The following ZNF207 variants were observed in gnomAD, a reference collection of about 807,000 sequenced individuals.
ZNF207 encodes BUB3-interacting and GLEBS motif-containing protein ZNF207.
ZNF207 carries 24 observed loss-of-function variants against 60.2 expected under a neutral mutation model. That is an observed-to-expected ratio of 0.40 (90% confidence interval 0.29 to 0.56). ZNF207 has a LOEUF of 0.56. Among genes scored for constraint, ZNF207 ranks in the 20% least tolerant of loss-of-function variants. ZNF207 has a pLI of 0.49. For synonymous variants in ZNF207, 236 were observed against 194.7 expected, an observed-to-expected ratio of 1.21 and a Z score of -1.77; for missense variants, 452 against 636.6, an observed-to-expected ratio of 0.71 and a Z score of 3.12.
In ZNF207 at chr17:32,381,779, GTTA is replaced by G. The variant is rs761753026; in HGVS notation, c.*12024_*12026del. 4 of 152,178 alleles carry G rather than the reference GTTA, an allele frequency of 2.6e-5. No individual in the cohort carries two copies. The highest frequency in any genetic ancestry group is 6.5e-5 in the Admixed American group (1 of 15,290). The allele number at this position is 152,178 out of a possible 1,614,324, so 9.4% of individuals were successfully genotyped here. A position where few individuals can be genotyped will look rare whatever the true frequency, so the allele number is the denominator to read the frequency against. On this transcript the variant is annotated 3_prime_UTR_variant, in exon 12 of 12. Coordinates refer to ENST00000394670, the MANE Select transcript of ZNF207 (RefSeq NM_001098507.2). Reference sequence around the variant, plus strand: ...AAAGTGGAAAGATTTTTGCTTCTGCGTTATTAAGAGCCTCTTTGTTTGGAGGAG... The same window carrying G: ...AAAGTGGAAAGATTTTTGCTTCTGCGTTAAGAGCCTCTTTGTTTGGAGGAG...
rs1230178997 is a variant in ZNF207, at chr17:32,370,908, A to C, written c.*1149A>C. 1.3e-5 allele frequency: 2 copies of C among 152,206 alleles called. No individual in the cohort carries two copies. The highest frequency in any genetic ancestry group is 4.8e-5 in the African/African-American group (2 of 41,450). 9.4% of individuals were successfully genotyped at this position (152,206 alleles called of 1,614,324 possible). ...TCTCTGTTGGGATGGTTAACAGATG[A>C]ATTGGCAATTTTTATTATGTTCCTG... On this transcript the variant is annotated 3_prime_UTR_variant, in exon 12 of 12. Transcript: ENST00000394670.
At position 32,367,790 on chromosome 17, in the gene ZNF207, G is replaced by A; in HGVS notation, c.940G>A (p.Gly314Arg). 1 of 1,614,108 alleles carries A rather than the reference G, an allele frequency of 6.2e-7. No homozygotes were observed. The highest frequency in any genetic ancestry group is 8.5e-7 in the Non-Finnish European group (1 of 1,180,006). The change falls in exon 10 of 12, where the codon GGA becomes AGA. Residue 314 changes from glycine to arginine, a missense_variant. Physicochemically the swap from Gly to Arg is moderately radical, Grantham distance 125. Transcript: ENST00000394670. Reference protein sequence around the residue: ...STAQAQAAVQGPVGTDFKPLN... With the variant: ...STAQAQAAVQRPVGTDFKPLN... ...TTTACAGGCTCAGGCAGCTGTCCAA[G>A]GACCTGTTGGTACAGATTTCAAACC...
At chr17:32,351,305 A>T (rs1364118943) in intron 1 of ZNF207, 2 of 367,396 alleles carry the variant, frequency 5.4e-6, no homozygotes, top group Non-Finnish European at 8.2e-6. Context: ...TGGATTGTTC[A>T]TTCGAAATTA....
chr17:32,377,423 G>A lies in ZNF207; in HGVS notation c.*7664G>A, dbSNP rs943975281. On this transcript the variant is annotated 3_prime_UTR_variant, in exon 12 of 12. Coordinates refer to ENST00000394670, the MANE Select transcript of ZNF207 (RefSeq NM_001098507.2). Reference sequence around the variant, plus strand: ...AAGTCTGAGTTAGAAAAAATACAGAGCATCTAGTTATTGAGCAAAGCCCCC... The same window carrying A: ...AAGTCTGAGTTAGAAAAAATACAGAACATCTAGTTATTGAGCAAAGCCCCC... The A allele has an allele frequency of 6.6e-6, 1 of 151,868 alleles. No individual in the cohort carries two copies. The highest frequency in any genetic ancestry group is 1.5e-5 in the Non-Finnish European group (1 of 67,822). 9.4% of individuals were successfully genotyped at this position (151,868 alleles called of 1,614,324 possible).
At chr17:32,351,275 C>A (rs1311729030) in intron 1 of ZNF207, 4 of 212,264 alleles carry the variant, frequency 1.9e-5, no homozygotes, top group Non-Finnish European at 3.4e-5. Flanking sequence ...TAAATTCATA[C>A]GGAATTGGAA....
Position 32,368,004 on chromosome 17 carries a change from A to T in ZNF207, c.1154A>T (p.Asp385Val). The change falls in exon 10 of 12, where the codon GAT (aspartate) becomes GTT (valine). Residue 385 changes from aspartate (D) to valine (V), a missense_variant. Physicochemically the swap from Asp to Val is radical, Grantham distance 152. This residue lies in a region of ZNF207 where 390 missense variants were observed against 461.4 expected (regional missense o/e 0.85). Coordinates refer to ENST00000394670, the MANE Select transcript of ZNF207 (RefSeq NM_001098507.2). Reference sequence around the variant, plus strand: ...AGTAAGTTGATCCATCCAGATGAGGATATATCCCTGGTAAGTTGCTTTTAG... The same window carrying T: ...AGTAAGTTGATCCATCCAGATGAGGTTATATCCCTGGTAAGTTGCTTTTAG... ...ATSKLIHPDE[D>V]ISLEERRAQL... 1 of 1,613,986 alleles carries T rather than the reference A, an allele frequency of 6.2e-7. No homozygotes were observed. Among genetic ancestry groups the T allele is most frequent in the Non-Finnish European group, 8.5e-7 (1 of 1,179,860 alleles).
rs1170230583 is a variant in ZNF207 at position 32,375,848 on chromosome 17, A to T, written c.*6089A>T. ...AAGTCCTTTAAAAGGGGATTCAATT[A>T]TAAGGCTATTTGACTATAGGGCAGA... On this transcript the variant is annotated 3_prime_UTR_variant, in exon 12 of 12. Coordinates refer to ENST00000394670, the MANE Select transcript of ZNF207 (RefSeq NM_001098507.2). The T allele has an allele frequency of 6.6e-6, 1 of 152,096 alleles. No individual in the cohort carries two copies. The highest frequency in any genetic ancestry group is 1.5e-5 in the Non-Finnish European group (1 of 67,942). The allele number at this position is 152,096 out of a possible 1,614,324, so 9.4% of individuals were successfully genotyped here.
rs1317589679 is a variant in ZNF207 at position 32,372,584 on chromosome 17, A to G, written c.*2825A>G. ...TTGAAAGTGTTAGGCATTGGCAGAT[A>G]AAACTTAAGCTCATGAGTTCCTGAG... On this transcript the variant is annotated 3_prime_UTR_variant, in exon 12 of 12. Coordinates refer to ENST00000394670, the MANE Select transcript of ZNF207 (RefSeq NM_001098507.2). 1 of 152,244 alleles carries G rather than the reference A, an allele frequency of 6.6e-6. No individual in the cohort carries two copies. 9.4% of individuals were successfully genotyped at this position (152,244 alleles called of 1,614,324 possible).
intron 6 of ZNF207, among the ~76,000 whole-genome samples, chr17:32,362,563 T>C (rs766851999): frequency 3.3e-5 from 5 of 152,254 alleles, no homozygotes; most frequent in Non-Finnish European, 7.3e-5. Flanking sequence ...TCTTTAATAC[T>C]CTGTGGATAT....
chr17:32,367,145 T>C (rs11656445), intron 9 of ZNF207, among the ~76,000 whole-genome samples: 87,438 of 149,168 alleles, frequency 0.59, 26,451 homozygotes, highest in African/African-American at 0.63. Context: ...AAAAGTAACA[T>C]ATTTGTTACT....
chr17:32,354,866 G>T (rs1322839840), intron 2 of ZNF207, among the ~76,000 whole-genome samples: 16 of 152,084 alleles, frequency 1.1e-4, no homozygotes, highest in Admixed American at 1.0e-3. Flanking sequence ...CACCTTCCTT[G>T]GCCTCCCAAA....
chr17:32,367,251 A>G (rs1406617636), intron 9 of ZNF207, among the ~76,000 whole-genome samples: 8 of 88,108 alleles, frequency 9.1e-5, no homozygotes, highest in Admixed American at 4.4e-4. Context: ...ATATATATAT[A>G]TATATATATA....
At position 32,373,400 on chromosome 17, in the gene ZNF207, C is replaced by T; in HGVS notation, c.*3641C>T. ...ATTAAAATTTTCTTCTTCCTATAGC[C>T]CTGCCATAGGACAGGCTGAGGCTGA... On this transcript the variant is annotated 3_prime_UTR_variant, in exon 12 of 12. Coordinates refer to ENST00000394670, the MANE Select transcript of ZNF207 (RefSeq NM_001098507.2). 2.9e-6 allele frequency: 2 copies of T among 690,324 alleles called. No individual in the cohort carries two copies. Among genetic ancestry groups the T allele is most frequent in the South Asian group, 3.1e-5 (2 of 65,164 alleles). The allele number at this position is 690,324 out of a possible 1,614,324, so 42.8% of individuals were successfully genotyped here.
intron 7 of ZNF207, among the ~76,000 whole-genome samples, chr17:32,363,528 A>AATTTTTTTT (rs1192049306): frequency 2.5e-5 from 2 of 79,042 alleles, no homozygotes; most frequent in South Asian, 3.3e-4. Context: ...AATCCAACAA[A>AATTTTTTTT]CTTTTTTTTT....
intron 10 of ZNF207, 145 bp downstream of exon 10, chr17:32,368,159 T>A: frequency 8.5e-7 from 1 of 1,182,192 alleles, no homozygotes; most frequent in Non-Finnish European, 1.2e-6. Context: ...ATTCTGATTC[T>A]TAAGAAATCA....
chr17:32,359,698 T>C (rs1420944304), intron 3 of ZNF207, among the ~76,000 whole-genome samples: 1 of 152,020 alleles, frequency 6.6e-6, no homozygotes, highest in Non-Finnish European at 1.5e-5. Flanking sequence ...AGCCCAGAAA[T>C]TGGGAGACCA....
intron 2 of ZNF207, among the ~76,000 whole-genome samples, chr17:32,354,027 G>C (rs1904350422): frequency 6.6e-6 from 1 of 152,122 alleles, no homozygotes; most frequent in Non-Finnish European, 1.5e-5. Context: ...CTGTTGTCCA[G>C]GCTGGAGTGC....
intron 2 of ZNF207, 40 bp from the exon 3 acceptor site, chr17:32,358,462 CT>C: frequency 6.6e-7 from 1 of 1,512,848 alleles, no homozygotes; most frequent in Non-Finnish European, 8.8e-7. Flanking sequence ...TGGAATTATT[CT>C]TAAAAAAGAC....
In ZNF207 at chr17:32,374,792, C is replaced by T. The variant is rs763669357; in HGVS notation, c.*5033C>T. On this transcript the variant is annotated 3_prime_UTR_variant, in exon 12 of 12. Transcript: ENST00000394670. Reference sequence around the variant, plus strand: ...AGGTATCGAAACTGAAATTTGATACCTGATCCTGTGGTAAAGTATGTTAAA... The same window carrying T: ...AGGTATCGAAACTGAAATTTGATACTTGATCCTGTGGTAAAGTATGTTAAA... The T allele has an allele frequency of 7.2e-5, 11 of 152,174 alleles. No individual in the cohort carries two copies. The highest frequency in any genetic ancestry group is 1.3e-4 in the Non-Finnish European group (9 of 68,026). The allele number at this position is 152,174 out of a possible 1,614,324, so 9.4% of individuals were successfully genotyped here.
Sources: gnomAD v4.1 joint callset for allele counts (sites outside exome capture counted in the v4.1 genomes callset) on GRCh38, gnomAD v4.1.1 for gene constraint, gnomAD v4.1.1 regional missense constraint, MANE v1.5 for transcripts, NCBI Gene and HGNC (gene_info 2026-07-23, HGNC 2026-07-21) for gene names.